Variants in C8orf34 observed in about 807,000 individuals in gnomAD.
C8orf34 encodes uncharacterized protein C8orf34.
In C8orf34, 65 loss-of-function variants were observed where a neutral mutation model predicts 68.3. The ratio of observed to expected loss-of-function variants is 0.95; its 90% CI spans 0.78 to 1.17. The LOEUF is 1.17. Ranked by LOEUF, C8orf34 falls within the 50% of genes most tolerant of loss-of-function variation. The probability of loss-of-function intolerance (pLI) is 0.00; values close to 1 mark genes in which losing one functional copy is unlikely to be tolerated. For missense variants in C8orf34, 664 were observed against 655.4 expected, an observed-to-expected ratio of 1.01 and a Z score of -0.14; for synonymous variants, 244 against 241.2, an observed-to-expected ratio of 1.01 and a Z score of -0.11.
chr8:68,593,250 A>G (rs936291327), intron 7 of C8orf34, among the ~76,000 whole-genome samples: 2 of 152,090 alleles, frequency 1.3e-5, no homozygotes, highest in African/African-American at 4.8e-5. Flanking sequence ...ACCTTATTTG[A>G]TCATGTATTT....
At chr8:68,441,511 A>G (rs142165452) in intron 2 of C8orf34, among the ~76,000 whole-genome samples, 227 of 152,024 alleles carry the variant, frequency 1.5e-3, no homozygotes, top group African/African-American at 4.8e-3. Context: ...CTTCTTCTTT[A>G]AAATGGAGTT....
intron 8 of C8orf34, among the ~76,000 whole-genome samples, chr8:68,660,026 G>A (rs1326478517): frequency 6.6e-6 from 1 of 152,104 alleles, no homozygotes; most frequent in African/African-American, 2.4e-5. Context: ...CTTCCCCCAA[G>A]CTCAATTTTA....
Position 68,774,944 on chromosome 8 carries a change from T to TAAAAAAAAAAAAAAAAAA in C8orf34, c.1405-1449_1405-1432dup, listed in dbSNP as rs1224756627. Among the ~76,000 whole-genome samples the TAAAAAAAAAAAAAAAAAA allele has an allele frequency of 4.9e-4, 22 of 44,670 alleles. 4 individuals carry two copies. The highest frequency in any genetic ancestry group is 1.5e-3 in the African/African-American group (12 of 8,014). 29.3% of individuals were successfully genotyped at this position (44,670 alleles called of 152,430 possible). A position where few individuals can be genotyped will look rare whatever the true frequency, so the allele number is the denominator to read the frequency against. On this transcript the variant is annotated intron_variant, in intron 10 of 13. Coordinates refer to ENST00000518698, the MANE Select transcript of C8orf34 (RefSeq NM_052958.4). ...CAACATGATGAAACCCTGTCTCCAC[T>TAAAAAAAAAAAAAAAAAA]AAAAAAAAAAAAAAAAAAAAAAATT...
At chr8:68,717,320 G>A (rs1311429750) in intron 9 of C8orf34, among the ~76,000 whole-genome samples, 2 of 152,056 alleles carry the variant, frequency 1.3e-5, no homozygotes, top group African/African-American at 4.8e-5. Context: ...TAGGATTCCT[G>A]GTTTTTCACC....
chr8:68,642,285 G>A (rs1368349553), intron 8 of C8orf34, among the ~76,000 whole-genome samples: 1 of 152,164 alleles, frequency 6.6e-6, no homozygotes, highest in Non-Finnish European at 1.5e-5. Context: ...TGGAGAATAA[G>A]GCATTGTTGT....
chr8:68,723,495 G>T (rs955926154), intron 10 of C8orf34, among the ~76,000 whole-genome samples: 1 of 151,988 alleles, frequency 6.6e-6, no homozygotes, highest in African/African-American at 2.4e-5. Context: ...TGAAGTATGT[G>T]GTTGGAAAAA....
chr8:68,341,931 A>G (rs576419122), intron 1 of C8orf34, among the ~76,000 whole-genome samples: 131 of 152,262 alleles, frequency 8.6e-4, no homozygotes, highest in African/African-American at 2.9e-3. Flanking sequence ...GTGTGAGGAG[A>G]AAGATTGGAA....
intron 7 of C8orf34, among the ~76,000 whole-genome samples, chr8:68,550,515 A>T (rs1816030092): frequency 6.6e-6 from 1 of 151,880 alleles, no homozygotes; most frequent in Non-Finnish European, 1.5e-5. Flanking sequence ...ATTAAGATTA[A>T]GAAAAACAAA....
chr8:68,715,387 A>G (rs1821442414), intron 9 of C8orf34, among the ~76,000 whole-genome samples: 1 of 152,108 alleles, frequency 6.6e-6, no homozygotes, highest in Admixed American at 6.5e-5. Context: ...ACAATGACTA[A>G]TATCCAGAAT....
intron 10 of C8orf34, among the ~76,000 whole-genome samples, chr8:68,736,881 A>G (rs1384102937): frequency 6.6e-6 from 1 of 152,132 alleles, no homozygotes; most frequent in Non-Finnish European, 1.5e-5. Context: ...ACCTCCCATG[A>G]GTCCAATTAT....
chr8:68,442,566 TCAGA>T (rs1810956559), intron 2 of C8orf34, among the ~76,000 whole-genome samples: 1 of 152,038 alleles, frequency 6.6e-6, no homozygotes, highest in Non-Finnish European at 1.5e-5. Context: ...ATGGAGAGGT[TCAGA>T]CAGAGAAAGC....
intron 3 of C8orf34, among the ~76,000 whole-genome samples, chr8:68,467,543 G>A (rs1420443076): frequency 6.6e-6 from 1 of 151,812 alleles, no homozygotes; most frequent in Non-Finnish European, 1.5e-5. Context: ...ACTGCCTTTT[G>A]AGACTGTCTT....
chr8:68,384,566 G>T (rs1245460818), intron 1 of C8orf34, among the ~76,000 whole-genome samples: 1 of 152,228 alleles, frequency 6.6e-6, no homozygotes, highest in Non-Finnish European at 1.5e-5. Context: ...GTGTTTTTAA[G>T]AAGTGAGGAG....
At chr8:68,330,940 G>A, upstream of C8orf34, 1 of 1,191,578 alleles carries the variant, frequency 8.4e-7, no homozygotes, top group Non-Finnish European at 1.1e-6. Context: ...AGGAACCTCT[G>A]CCTCGAATTT....
At chr8:68,351,372 C>T (rs1227741816) in intron 1 of C8orf34, among the ~76,000 whole-genome samples, 1 of 152,010 alleles carries the variant, frequency 6.6e-6, no homozygotes, top group African/African-American at 2.4e-5. Context: ...TGCCTTTTCT[C>T]TCCAGCTGCC....
Position 68,544,673 on chromosome 8 carries a change from A to G in C8orf34, c.1105+11524A>G, listed in dbSNP as rs1482255597. On this transcript the variant is annotated intron_variant, in intron 7 of 13. Coordinates refer to ENST00000518698, the MANE Select transcript of C8orf34 (RefSeq NM_052958.4). ...ATGGAAAAGAACATAAGGAGTAAAT[A>G]GATGGAAAATCTCAGCAGAGAAATT... Among the ~76,000 whole-genome samples, 6 of 152,306 alleles carry G rather than the reference A, an allele frequency of 3.9e-5. No individual in the cohort carries two copies. The East Asian group carries it at 1.2e-3, about 29-fold the overall frequency.
intron 8 of C8orf34, among the ~76,000 whole-genome samples, chr8:68,688,341 A>G (rs907875864): frequency 3.3e-5 from 5 of 152,062 alleles, no homozygotes; most frequent in Non-Finnish European, 5.9e-5. Context: ...TTGCAAAAAT[A>G]TGGAACCAAC....
intron 8 of C8orf34, among the ~76,000 whole-genome samples, chr8:68,700,702 C>T (rs1820989752): frequency 6.6e-6 from 1 of 152,080 alleles, no homozygotes; most frequent in Non-Finnish European, 1.5e-5. Context: ...TGCCAAATTA[C>T]AGACTCAGGG....
At chr8:68,391,952 T>C (rs1304342603) in intron 1 of C8orf34, among the ~76,000 whole-genome samples, 3 of 152,096 alleles carry the variant, frequency 2.0e-5, no homozygotes, top group Non-Finnish European at 4.4e-5. Context: ...AAGAGGACCA[T>C]TAGGAAAACC....
Sources: allele counts gnomAD v4.1 joint callset (sites outside exome capture counted in the v4.1 genomes callset), GRCh38; gene constraint gnomAD v4.1.1; transcripts MANE v1.5; gene names NCBI Gene and HGNC (gene_info 2026-07-23, HGNC 2026-07-21).